Variants in ARHGAP29 observed in about 807,000 individuals in gnomAD.
ARHGAP29 encodes the protein Rho GTPase activating protein 29.
Under a neutral mutation model 122.6 loss-of-function variants are expected in ARHGAP29, and 43 were observed. That is an observed-to-expected ratio of 0.35 (90% CI 0.27 to 0.45). The LOEUF is 0.45. Ranked by LOEUF, ARHGAP29 falls within the 20% of genes least tolerant of loss-of-function variation. ARHGAP29 has a pLI of 1.00. For missense variants in ARHGAP29, 1,303 were observed against 1,477.2 expected (o/e 0.88, Z 1.93); for synonymous variants, 506 against 497.1 (o/e 1.02, Z -0.24).
intron 3 of ARHGAP29, among the ~76,000 whole-genome samples, chr1:94,215,868 A>C (rs1258929621): frequency 1.3e-5 from 2 of 152,214 alleles, no homozygotes; most frequent in Non-Finnish European, 2.9e-5. Context: ...TACTAAAAGG[A>C]GACCTACCAG....
the ARHGAP29 span, among the ~76,000 whole-genome samples, chr1:94,287,075 A>G: frequency 6.6e-6 from 1 of 152,136 alleles, no homozygotes; most frequent in Admixed American, 6.5e-5. Context: ...GGAACTTCTG[A>G]TTGACTGGCT....
chr1:94,185,158 A>G (rs1649716933), intron 17 of ARHGAP29, 98 bp from the exon 18 acceptor site: 2 of 1,276,094 alleles, frequency 1.6e-6, no homozygotes, highest in Non-Finnish European at 2.1e-6. Flanking sequence ...TGAGTTTAAG[A>G]GGTATTACTT....
intron 2 of ARHGAP29, among the ~76,000 whole-genome samples, chr1:94,223,065 T>A (rs1652406222): frequency 1.3e-5 from 2 of 151,888 alleles, no homozygotes; most frequent in Non-Finnish European, 1.5e-5. Context: ...TGCCTCAGCC[T>A]CCCGAGTAGT....
At chr1:94,265,840 T>C (rs1654750202) in intron 1 of ARHGAP29, among the ~76,000 whole-genome samples, 1 of 152,140 alleles carries the variant, frequency 6.6e-6, no homozygotes, top group South Asian at 2.1e-4. Flanking sequence ...GTGGGTGCTA[T>C]TTCACCAGAG....
chr1:94,196,883 A>T (rs1650509514), intron 12 of ARHGAP29, among the ~76,000 whole-genome samples: 1 of 152,192 alleles, frequency 6.6e-6, no homozygotes, highest in Non-Finnish European at 1.5e-5. Context: ...ATACATAAGC[A>T]ATGCTTAGAG....
chr1:94,294,713 C>A, the ARHGAP29 span, among the ~76,000 whole-genome samples: 802 of 152,226 alleles, frequency 5.3e-3, 1 homozygote, highest in Non-Finnish European at 8.9e-3. Flanking sequence ...ATGAGATGAG[C>A]AGAGGGCTAA....
chr1:94,276,451 T>A (rs964073543), upstream of ARHGAP29, among the ~76,000 whole-genome samples: 3 of 146,864 alleles, frequency 2.0e-5, no homozygotes, highest in African/African-American at 7.3e-5. Context: ...TTTTTTTTTT[T>A]AAAGATAGAA....
rs1381864086 is a variant in ARHGAP29, at chr1:94,211,050, C to T, written c.341-1700G>A. On this transcript the variant is annotated intron_variant, in intron 3 of 22. Transcript: ENST00000260526. ...CTGTAATCCCAGCACTTTGGGAGGC[C>T]GAGGTGGACAGATTGTCTGAGCTCA... 9.2e-5 allele frequency among the ~76,000 whole-genome samples: 14 copies of T among 151,728 alleles called. No homozygotes were observed. In the East Asian group the frequency reaches 2.5e-3, roughly 27 times the overall value.
chr1:94,280,211 A>T, the ARHGAP29 span, among the ~76,000 whole-genome samples: 1 of 152,218 alleles, frequency 6.6e-6, no homozygotes, highest in South Asian at 2.1e-4. Flanking sequence ...AGAGATTAAC[A>T]AGAGGACACA....
the ARHGAP29 span, among the ~76,000 whole-genome samples, chr1:94,301,747 T>G: frequency 6.6e-6 from 1 of 152,088 alleles, no homozygotes; most frequent in Admixed American, 6.5e-5. Flanking sequence ...CTGATCCAGG[T>G]GCAGTGCTAG....
At position 94,177,886 on chromosome 1, in the gene ARHGAP29, C is replaced by T. The variant is rs766858079; in HGVS notation, c.2762G>A (p.Arg921His). The T allele has an allele frequency of 4.3e-6, 7 of 1,612,968 alleles. No individual in the cohort carries two copies. In the Admixed American group the frequency reaches 5.0e-5, roughly 12 times the overall value. ...LLSPEERDIERSMKSLFFSSK... is the reference protein window; with the variant it reads ...LLSPEERDIEHSMKSLFFSSK... Reference sequence around the variant, plus strand: ...AGAAAAAAATAGTGACTTCATGGAACGTTCAATGTCTCTTTCTTCTGGTGA... The same window carrying T: ...AGAAAAAAATAGTGACTTCATGGAATGTTCAATGTCTCTTTCTTCTGGTGA... Residue 921 changes from arginine (R) to histidine (H), a missense_variant, in exon 21 of 23, where the codon CGT becomes CAT. This residue lies in a region of ARHGAP29 where 620 missense variants were observed against 651.2 expected (regional missense o/e 0.95). Transcript: ENST00000260526.
intron 12 of ARHGAP29, 120 bp downstream of exon 12, chr1:94,201,600 T>G: frequency 8.6e-7 from 1 of 1,160,054 alleles, no homozygotes; most frequent in Non-Finnish European, 1.2e-6. Flanking sequence ...CTCAAACTTT[T>G]GGGCTCAAGT....
chr1:94,284,101 A>C, the ARHGAP29 span, among the ~76,000 whole-genome samples: 1 of 136,526 alleles, frequency 7.3e-6, no homozygotes, highest in South Asian at 2.4e-4. Context: ...AAAAAAAAAA[A>C]CCATCAAGCC....
chr1:94,188,484 A>G (rs1444897789), intron 15 of ARHGAP29, among the ~76,000 whole-genome samples: 2 of 152,120 alleles, frequency 1.3e-5, no homozygotes, highest in East Asian at 3.9e-4. Context: ...GCGTAATTCA[A>G]TTTGTATAAC....
chr1:94,192,617 C>T (rs1456255586), intron 12 of ARHGAP29: 1 of 152,182 alleles, frequency 6.6e-6, no homozygotes, highest in Non-Finnish European at 1.5e-5. Context: ...TGATGGAAAT[C>T]CTTGTTTATG....
At chr1:94,202,841 C>T (rs1650936590) in intron 10 of ARHGAP29, 77 bp downstream of exon 10, 1 of 1,535,406 alleles carries the variant, frequency 6.5e-7, no homozygotes, top group Non-Finnish European at 8.8e-7. Flanking sequence ...AAAATGAGAG[C>T]AAGGAAGGTC....
At chr1:94,242,623 A>G (rs1340857417), upstream of ARHGAP29, among the ~76,000 whole-genome samples, 2 of 151,274 alleles carry the variant, frequency 1.3e-5, no homozygotes, top group African/African-American at 2.4e-5. Flanking sequence ...AATCAAAAAA[A>G]AAAAAAAGGC....
At chr1:94,202,417 G>T in intron 11 of ARHGAP29, 127 bp downstream of exon 11, 3 of 1,114,094 alleles carry the variant, frequency 2.7e-6, no homozygotes, top group East Asian at 2.4e-5. Context: ...GAAACTCTGG[G>T]GGATGGGCTT....
chr1:94,177,562 G>A, intron 22 of ARHGAP29, 50 bp downstream of exon 22: 3 of 1,442,536 alleles, frequency 2.1e-6, no homozygotes, highest in Non-Finnish European at 2.9e-6. Flanking sequence ...CGGTTCTACT[G>A]GTAAAATTTT....
Sources: gnomAD v4.1 joint callset for allele counts (sites outside exome capture counted in the v4.1 genomes callset) on GRCh38, gnomAD v4.1.1 for gene constraint, gnomAD v4.1.1 regional missense constraint, MANE v1.5 for transcripts, NCBI Gene and HGNC (gene_info 2026-07-23, HGNC 2026-07-21) for gene names.